CSMD1: variants seen among roughly 807,000 people sequenced by gnomAD.
The protein encoded by CSMD1 is CUB and Sushi multiple domains 1.
A neutral mutation model predicts 417.5 loss-of-function variants in CSMD1; 213 were observed. The observed-to-expected ratio is 0.51, with a 90% confidence interval of 0.46 to 0.57. CSMD1 has a LOEUF of 0.57. Among genes scored for constraint, CSMD1 ranks in the 20% least tolerant of loss-of-function variants. CSMD1 has a pLI of 0.00. For synonymous variants in CSMD1, 2,862 were observed against 1,736.8 expected (o/e 1.65, Z -16.11); for missense variants, 6,923 against 4,529.7 (o/e 1.53, Z -15.17).
At position 4,719,640 on chromosome 8, in the gene CSMD1, G is replaced by C. The variant is rs954808366; in HGVS notation, c.86-82082C>G. Among the ~76,000 whole-genome samples the C allele has an allele frequency of 7.4e-5, 11 of 149,332 alleles. No homozygotes were observed. The Admixed American group carries it at 7.5e-4, about 10-fold the overall frequency. The stretch of plus-strand genomic sequence containing the variant: ...AAAACTTGAATCCTTTTCCTATTTT[G>C]TTCAAAAGCTAAATTTCCATTTATT... On this transcript the variant is annotated intron_variant, in intron 1 of 69. Transcript: ENST00000635120.
chr8:2,945,294 T>C (rs1164401708), intron 68 of CSMD1, among the ~76,000 whole-genome samples: 3 of 152,222 alleles, frequency 2.0e-5, no homozygotes, highest in African/African-American at 4.8e-5. Context: ...GCATTTTGCT[T>C]ATGTGGCTTT....
chr8:3,932,802 G>C lies in CSMD1; in HGVS notation c.818+65101C>G, dbSNP rs145944078. Reference sequence around the variant, plus strand: ...AAGCTGAGTTTTCATTTCAATTGGAGATAAAAAGTTACTAATATATTTCTC... The same window carrying C: ...AAGCTGAGTTTTCATTTCAATTGGACATAAAAAGTTACTAATATATTTCTC... On this transcript the variant is annotated intron_variant, in intron 5 of 69. Coordinates refer to ENST00000635120, the MANE Select transcript of CSMD1 (RefSeq NM_033225.6). 6.5e-3 allele frequency among the ~76,000 whole-genome samples: 975 copies of C among 150,376 alleles called. 75 individuals carry two copies. The highest frequency in any genetic ancestry group is 0.023 in the African/African-American group (944 of 40,812).
chr8:4,372,620 T>G lies in CSMD1; in HGVS notation c.415+47333A>C, dbSNP rs1251923287. 2.5e-5 allele frequency among the ~76,000 whole-genome samples: 3 copies of G among 119,724 alleles called. No individual in the cohort carries two copies. The East Asian group carries it at 7.0e-4, about 28-fold the overall frequency. The allele number at this position is 119,724 out of a possible 152,430, so 78.5% of individuals were successfully genotyped here. A position where few individuals can be genotyped will look rare whatever the true frequency, so the allele number is the denominator to read the frequency against. On this transcript the variant is annotated intron_variant, in intron 3 of 69. Coordinates refer to ENST00000635120, the MANE Select transcript of CSMD1 (RefSeq NM_033225.6). ...GGTGAGCGTTTTTACTGTCAGAAAG[T>G]AAGGAAGTGTTAAAAAAAAAAAAAA...
intron 5 of CSMD1, among the ~76,000 whole-genome samples, chr8:3,954,918 G>A (rs559846162): frequency 4.6e-5 from 7 of 152,252 alleles, no homozygotes; most frequent in African/African-American, 1.7e-4. Context: ...CTCCATCTTT[G>A]TCCTTTAACA....
At chr8:4,059,278 G>A (rs924686406) in intron 3 of CSMD1, among the ~76,000 whole-genome samples, 4 of 152,194 alleles carry the variant, frequency 2.6e-5, no homozygotes, top group African/African-American at 9.6e-5. Flanking sequence ...GAATCTCTGG[G>A]ACACATTCAA....
chr8:4,115,875 G>A (rs984289451), intron 3 of CSMD1, among the ~76,000 whole-genome samples: 2 of 152,032 alleles, frequency 1.3e-5, no homozygotes, highest in African/African-American at 4.8e-5. Context: ...ATGACATTCT[G>A]GGAAAACAGG....
At chr8:4,042,268 A>G (rs942007201) in intron 3 of CSMD1, among the ~76,000 whole-genome samples, 1 of 152,190 alleles carries the variant, frequency 6.6e-6, no homozygotes, top group Non-Finnish European at 1.5e-5. Context: ...TGAAGAAAAA[A>G]TCTTTAAAGC....
At chr8:4,720,050 T>C (rs1003354195) in intron 1 of CSMD1, among the ~76,000 whole-genome samples, 2 of 152,080 alleles carry the variant, frequency 1.3e-5, no homozygotes, top group Non-Finnish European at 2.9e-5. Flanking sequence ...AAAGAAATTA[T>C]TCCTGTGGTG....
intron 3 of CSMD1, among the ~76,000 whole-genome samples, chr8:4,235,360 G>GT (rs150464000): frequency 0.4 from 59,402 of 148,606 alleles, 13,955 homozygotes; most frequent in Non-Finnish European, 0.54. Flanking sequence ...GACGTGTTTT[G>GT]TTTTTTTTTT....
intron 8 of CSMD1, among the ~76,000 whole-genome samples, chr8:3,609,267 A>G (rs1054305159): frequency 1.3e-5 from 2 of 152,224 alleles, no homozygotes; most frequent in East Asian, 1.9e-4. Flanking sequence ...GACAGTACCC[A>G]CCCATAAATT....
intron 4 of CSMD1, among the ~76,000 whole-genome samples, chr8:4,006,117 C>T (rs1438167268): frequency 6.6e-6 from 1 of 152,160 alleles, no homozygotes; most frequent in East Asian, 1.9e-4. Flanking sequence ...TCCGAGGAGA[C>T]TTGATATTCA....
In CSMD1 at chr8:4,527,784, C is replaced by G. The variant is rs556607699; in HGVS notation, c.303-107719G>C. On this transcript the variant is annotated intron_variant, in intron 2 of 69. Transcript: ENST00000635120. ...CAATCGTAGCTATTCATTCTTTTTA[C>G]TGATGAATCCTGGAAAGTCTAATGC... Among the ~76,000 whole-genome samples, 11 of 152,274 alleles carry G rather than the reference C, an allele frequency of 7.2e-5. No homozygotes were observed. In the South Asian group the frequency reaches 2.3e-3, roughly 32 times the overall value.
chr8:3,391,944 T>A (rs892635868), intron 17 of CSMD1, among the ~76,000 whole-genome samples: 1 of 152,030 alleles, frequency 6.6e-6, no homozygotes, highest in African/African-American at 2.4e-5. Flanking sequence ...GAGTTTGATA[T>A]AAATCATTCT....
chr8:3,733,205 A>ACACACT (rs1554525004), intron 6 of CSMD1, among the ~76,000 whole-genome samples: 2 of 87,090 alleles, frequency 2.3e-5, no homozygotes, highest in African/African-American at 1.1e-4. Context: ...ACACACACAC[A>ACACACT]CTCTCTCTCT....
chr8:3,640,139 GC>G (rs1563223875), intron 7 of CSMD1, among the ~76,000 whole-genome samples: 1 of 152,130 alleles, frequency 6.6e-6, no homozygotes, highest in Admixed American at 6.5e-5. Flanking sequence ...ACTTTTTCTT[GC>G]GTAAGACTTC....
intron 5 of CSMD1, among the ~76,000 whole-genome samples, chr8:3,772,183 T>TATATAC (rs1554430674): frequency 1.5e-5 from 1 of 67,456 alleles, no homozygotes; most frequent in African/African-American, 4.6e-5. Flanking sequence ...TATATATATA[T>TATATAC]ATATATACAC....
chr8:3,357,533 G>A (rs1339246412), intron 21 of CSMD1, among the ~76,000 whole-genome samples: 1 of 152,140 alleles, frequency 6.6e-6, no homozygotes, highest in East Asian at 1.9e-4. Context: ...AGACCACAGA[G>A]TAAAAACCTG....
At chr8:3,543,567 C>G (rs1798533024) in intron 10 of CSMD1, among the ~76,000 whole-genome samples, 1 of 151,234 alleles carries the variant, frequency 6.6e-6, no homozygotes. Context: ...TATGGGTCTG[C>G]TGATGAATGT....
intron 3 of CSMD1, among the ~76,000 whole-genome samples, chr8:4,261,888 G>C (rs1168910653): frequency 2.6e-5 from 4 of 152,140 alleles, no homozygotes; most frequent in African/African-American, 4.8e-5. Context: ...GTGTTAAAAA[G>C]TAGATGTGGA....
Sources: allele counts gnomAD v4.1 joint callset (sites outside exome capture counted in the v4.1 genomes callset), GRCh38; gene constraint gnomAD v4.1.1; transcripts MANE v1.5; gene names NCBI Gene and HGNC (gene_info 2026-07-23, HGNC 2026-07-21).